The following FYN variants were observed in gnomAD, a reference collection of about 807,000 sequenced individuals.
FYN encodes FYN proto-oncogene, Src family tyrosine kinase, also known as tyrosine-protein kinase Fyn.
FYN carries 10 observed loss-of-function variants against 70.2 expected under a neutral mutation model. The observed-to-expected ratio is 0.14, with a 90% CI of 0.09 to 0.24. The LOEUF (loss-of-function observed/expected upper bound fraction) is 0.24, where lower values mean the gene tolerates loss of function less well. Ranked by LOEUF, FYN falls within the 10% of genes least tolerant of loss-of-function variation. The probability of loss-of-function intolerance (pLI) is 1.00; values close to 1 mark genes in which losing one functional copy is unlikely to be tolerated. For missense variants in FYN, 319 were observed against 673.1 expected (o/e 0.47, Z 5.82); for synonymous variants, 236 against 248.6 (o/e 0.95, Z 0.48).
intron 2 of FYN, among the ~76,000 whole-genome samples, chr6:111,836,346 T>C (rs1181174760): frequency 1.3e-5 from 2 of 152,178 alleles, no homozygotes; most frequent in East Asian, 1.9e-4. Flanking sequence ...GGGTTAAACA[T>C]CCAGTGAATG....
chr6:111,857,591 G>A (rs1275096536), intron 1 of FYN, among the ~76,000 whole-genome samples: 1 of 152,124 alleles, frequency 6.6e-6, no homozygotes. Flanking sequence ...CAGAGTGGCA[G>A]GTTTGAAATA....
Position 111,711,957 on chromosome 6 carries a change from A to G in FYN, c.344+2390T>C, listed in dbSNP as rs140693077. Among the ~76,000 whole-genome samples, 146 of 152,358 alleles carry G rather than the reference A, an allele frequency of 9.6e-4. 1 individual carries two copies. Among genetic ancestry groups the G allele is most frequent in the African/African-American group, 3.4e-3 (141 of 41,592 alleles). On this transcript the variant is annotated intron_variant, in intron 5 of 13. Transcript: ENST00000354650. ...CATTAAGAGGAAGAGAACCTTTGTA[A>G]TATTTTCCTCTACAAGAACAGGGTT...
intron 3 of FYN, among the ~76,000 whole-genome samples, chr6:111,727,154 C>T (rs1299370216): frequency 6.6e-6 from 1 of 152,174 alleles, no homozygotes; most frequent in Admixed American, 6.5e-5. Context: ...ACATTCCATT[C>T]CCCCAAGACA....
intron 3 of FYN, among the ~76,000 whole-genome samples, chr6:111,744,589 G>A (rs191159730): frequency 6.6e-6 from 1 of 152,240 alleles, no homozygotes; most frequent in Admixed American, 6.5e-5. Flanking sequence ...CAGTCTGGTG[G>A]GAACACATGG....
At chr6:111,749,083 C>A (rs1802373428) in intron 3 of FYN, among the ~76,000 whole-genome samples, 1 of 152,190 alleles carries the variant, frequency 6.6e-6, no homozygotes, top group African/African-American at 2.4e-5. Flanking sequence ...ACCACTCACT[C>A]TTCCTGGGCC....
At position 111,700,107 on chromosome 6, in the gene FYN, T is replaced by A; in HGVS notation, c.859A>T (p.Met287Leu). The A allele has an allele frequency of 6.2e-7, 1 of 1,613,978 alleles. No homozygotes were observed. Among genetic ancestry groups the A allele is most frequent in the Non-Finnish European group, 8.5e-7 (1 of 1,179,926 alleles). ...GAGTAATTGAGTCTCAGCATACCCA[T>A]CCATACTTCCCCAAACTGCCCATTT... Reference protein sequence around the residue: ...LGNGQFGEVWMGTWNGNTKVA... With the variant: ...LGNGQFGEVWLGTWNGNTKVA... Residue 287 changes from methionine (M) to leucine (L), a missense_variant, in exon 9 of 14, where the codon ATG (methionine) becomes TTG (leucine). Physicochemically the swap from Met to Leu is conservative, Grantham distance 15. This residue lies in a region of FYN where 112 missense variants were observed against 250.2 expected (regional missense o/e 0.45). Transcript: ENST00000354650.
intron 3 of FYN, among the ~76,000 whole-genome samples, chr6:111,764,677 G>A (rs1803157993): frequency 6.6e-6 from 1 of 152,120 alleles, no homozygotes; most frequent in African/African-American, 2.4e-5. Flanking sequence ...TAATTAGAGT[G>A]CATTCTCCCA....
intron 2 of FYN, among the ~76,000 whole-genome samples, chr6:111,803,960 A>G (rs1428337087): frequency 6.6e-6 from 1 of 152,148 alleles, no homozygotes; most frequent in Non-Finnish European, 1.5e-5. Context: ...AGAACAGGAA[A>G]AGCTTCTTCT....
intron 2 of FYN, among the ~76,000 whole-genome samples, chr6:111,826,566 C>T (rs1772840619): frequency 6.6e-6 from 1 of 152,186 alleles, no homozygotes; most frequent in Non-Finnish European, 1.5e-5. Flanking sequence ...AGCCCCCACT[C>T]CCTTAATGAC....
chr6:111,699,784 G>C (rs115796281), intron 9 of FYN: 37 of 1,054,072 alleles, frequency 3.5e-5, no homozygotes, highest in Non-Finnish European at 4.7e-5. Flanking sequence ...ACAAATATTT[G>C]CTTTTGGAAA....
At position 111,817,469 on chromosome 6, in the gene FYN, G is replaced by A. The variant is rs140495866; in HGVS notation, c.-82+29120C>T. 4.9e-3 allele frequency among the ~76,000 whole-genome samples: 753 copies of A among 152,260 alleles called. 9 individuals carry two copies. Among genetic ancestry groups the A allele is most frequent in the Middle Eastern group, 0.017 (5 of 294 alleles). On this transcript the variant is annotated intron_variant, in intron 2 of 13. Coordinates refer to ENST00000354650, the MANE Select transcript of FYN (RefSeq NM_002037.5). ...AACTAAACGAATACATGGTGTATCCGTTTTAAAGCAGGTGCAATAAATGCC... is the reference window on the plus strand; with the variant it reads ...AACTAAACGAATACATGGTGTATCCATTTTAAAGCAGGTGCAATAAATGCC...
chr6:111,739,694 G>A (rs370154149), intron 3 of FYN, among the ~76,000 whole-genome samples: 2 of 152,202 alleles, frequency 1.3e-5, no homozygotes, highest in Non-Finnish European at 2.9e-5. Flanking sequence ...AGTGTACAAA[G>A]CCATGATTAA....
intron 13 of FYN, among the ~76,000 whole-genome samples, chr6:111,673,619 A>ACTGTTTTTTT (rs1301768351): frequency 3.0e-3 from 193 of 64,918 alleles, no homozygotes; most frequent in South Asian, 4.9e-3. Context: ...CGTTTCTATC[A>ACTGTTTTTTT]TTGTTTTTTT....
At chr6:111,725,335 C>T (rs909317643) in intron 3 of FYN, among the ~76,000 whole-genome samples, 1 of 152,228 alleles carries the variant, frequency 6.6e-6, no homozygotes, top group African/African-American at 2.4e-5. Flanking sequence ...CAGAAACTGT[C>T]ACCCAAATTT....
intron 2 of FYN, among the ~76,000 whole-genome samples, chr6:111,824,989 T>C (rs1267656865): frequency 2.0e-5 from 3 of 152,244 alleles, no homozygotes; most frequent in Non-Finnish European, 4.4e-5. Context: ...TCTCTGAGCA[T>C]TGCAGGCATT....
Position 111,694,939 on chromosome 6 carries a change from C to T in FYN, c.1043-235G>A, listed in dbSNP as rs1799508542. On this transcript the variant is annotated intron_variant, in intron 10 of 13. Transcript: ENST00000354650. The surrounding 1 kb of genome is among the most constrained non-coding windows in gnomAD (Gnocchi z 5.0). ...TTAATTCCATTTCTAGGAATAACAA[C>T]ATATATTTGATAAAACTAGAAGAAA... 6.6e-6 allele frequency among the ~76,000 whole-genome samples: 1 copy of T among 152,142 alleles called. No individual in the cohort carries two copies. Among genetic ancestry groups the T allele is most frequent in the African/African-American group, 2.4e-5 (1 of 41,428 alleles).
chr6:111,715,208 T>C (rs566008243), intron 4 of FYN, among the ~76,000 whole-genome samples: 3 of 152,096 alleles, frequency 2.0e-5, no homozygotes, highest in East Asian at 1.9e-4. Context: ...CCAGTGTCAT[T>C]TGGCCTAGGA....
chr6:111,739,554 T>C (rs72942107), intron 3 of FYN, among the ~76,000 whole-genome samples: 3,386 of 152,306 alleles, frequency 0.022, 69 homozygotes, highest in African/African-American at 0.048. Flanking sequence ...TTGAGTGGCA[T>C]GTGGGAGAGA....
At chr6:111,737,189 T>TCAAG (rs1273139947) in intron 3 of FYN, among the ~76,000 whole-genome samples, 11 of 152,206 alleles carry the variant, frequency 7.2e-5, no homozygotes, top group Admixed American at 1.3e-4. Context: ...TCCCCACATA[T>TCAAG]CAAGCAAGCA....
Sources: allele counts gnomAD v4.1 joint callset (sites outside exome capture counted in the v4.1 genomes callset), GRCh38; gene constraint gnomAD v4.1.1; regional missense constraint gnomAD v4.1.1; non-coding constraint Gnocchi (gnomAD v3.1); transcripts MANE v1.5; gene names NCBI Gene and HGNC (gene_info 2026-07-23, HGNC 2026-07-21).